ARGFX: variants seen among roughly 807,000 people sequenced by gnomAD.
ARGFX encodes the protein arginine-fifty homeobox.
Under a neutral mutation model 8.0 loss-of-function variants are expected in ARGFX, and 10 were observed. That is an observed-to-expected ratio of 1.25 (90% CI 0.77 to 2.12). The LOEUF (loss-of-function observed/expected upper bound fraction) is 2.12, where lower values mean the gene tolerates loss of function less well. ARGFX is among the 30% of genes most tolerant of loss of function. The probability of loss-of-function intolerance (pLI) is 0.00; values close to 1 mark genes in which losing one functional copy is unlikely to be tolerated. For missense variants in ARGFX, 282 were observed against 324.3 expected (o/e 0.87, Z 1.00); for synonymous variants, 116 against 117.8 (o/e 0.98, Z 0.10).
At position 121,584,958 on chromosome 3, in the gene ARGFX, C is replaced by G. The variant is rs1454551227; in HGVS notation, c.262C>G (p.Gln88Glu). 2.5e-6 allele frequency: 4 copies of G among 1,613,944 alleles called. No homozygotes were observed. The change falls in exon 4 of 5, where the codon CAA becomes GAA. Residue 88 changes from glutamine to glutamate, a missense_variant. Transcript: ENST00000334384. ...RHKERTSFTH[Q>E]QYEELEALFS... ...TAAAGAACGTACTTCTTTCACCCAC[C>G]AACAGTATGAGGAGCTAGAAGCTCT...
At chr3:121,574,791 T>C (rs2048727179) in intron 2 of ARGFX, among the ~76,000 whole-genome samples, 1 of 152,150 alleles carries the variant, frequency 6.6e-6, no homozygotes, top group Non-Finnish European at 1.5e-5. Context: ...ACACACCAAA[T>C]AGAATTGTTA....
rs1207541559 is a variant in ARGFX, at chr3:121,589,970, A to G, written c.*3370A>G. Among the ~76,000 whole-genome samples, 2 of 152,158 alleles carry G rather than the reference A, an allele frequency of 1.3e-5. No individual in the cohort carries two copies. Among genetic ancestry groups the G allele is most frequent in the African/African-American group, 4.8e-5 (2 of 41,448 alleles). ...AGAATAGAAAAGCAATACAGAAAAAAAATTATGAAATCAAAAGCTGGTTCT... is the reference window on the plus strand; with the variant it reads ...AGAATAGAAAAGCAATACAGAAAAAGAATTATGAAATCAAAAGCTGGTTCT... On this transcript the variant is annotated 3_prime_UTR_variant, in exon 5 of 5. Transcript: ENST00000334384.
At chr3:121,578,964 A>T (rs1336801923) in intron 3 of ARGFX, among the ~76,000 whole-genome samples, 1 of 152,036 alleles carries the variant, frequency 6.6e-6, no homozygotes, top group Non-Finnish European at 1.5e-5. Context: ...GGCGTGAGCC[A>T]CCGTGCCCGG....
chr3:121,568,133 A>C (rs1448384229), intron 1 of ARGFX, among the ~76,000 whole-genome samples, 120 bp downstream of exon 1: 4 of 152,178 alleles, frequency 2.6e-5, no homozygotes, highest in Non-Finnish European at 1.5e-5. Context: ...TTCACATTAG[A>C]GGGACATGAT....
At chr3:121,576,340 T>C (rs1178861954) in intron 2 of ARGFX, among the ~76,000 whole-genome samples, 1 of 152,152 alleles carries the variant, frequency 6.6e-6, no homozygotes, top group Non-Finnish European at 1.5e-5. Flanking sequence ...ACTCAATTTA[T>C]TTATTTATTT....
intron 2 of ARGFX, 52 bp from the exon 3 acceptor site, chr3:121,576,719 CTTTCTTTCTTTCT>C (rs2048739624): frequency 4.1e-6 from 1 of 243,664 alleles, no homozygotes; most frequent in Non-Finnish European, 8.4e-6. Flanking sequence ...TTCTTTCTTT[CTTTCTTTCTTTCT>C]TTCTTTCTTT....
chr3:121,571,943 C>T (rs949666074), intron 2 of ARGFX, among the ~76,000 whole-genome samples: 41 of 151,654 alleles, frequency 2.7e-4, no homozygotes, highest in Non-Finnish European at 4.6e-4. Flanking sequence ...ATTCTCCTGC[C>T]TCAGCCTCCC....
At chr3:121,585,561 A>G (rs1322264194) in intron 4 of ARGFX, among the ~76,000 whole-genome samples, 1 of 151,878 alleles carries the variant, frequency 6.6e-6, no homozygotes, top group African/African-American at 2.4e-5. Context: ...GCTGGTCTCA[A>G]ACTCCTGAGC....
Position 121,577,215 on chromosome 3 carries a change from A to C in ARGFX, c.220+315A>C, listed in dbSNP as rs1372659370. On this transcript the variant is annotated intron_variant, in intron 3 of 4. Transcript: ENST00000334384. ...TATGTGTGTATGTATATATATATATATCTACATGTACATATATATATATAT... is the reference window on the plus strand; with the variant it reads ...TATGTGTGTATGTATATATATATATCTCTACATGTACATATATATATATAT... 4.1e-5 allele frequency among the ~76,000 whole-genome samples: 5 copies of C among 121,150 alleles called. No individual in the cohort carries two copies. The South Asian group carries it at 8.8e-4, about 21-fold the overall frequency. 79.5% of individuals were successfully genotyped at this position (121,150 alleles called of 152,430 possible).
intron 1 of ARGFX, among the ~76,000 whole-genome samples, chr3:121,568,443 A>G (rs2048686564): frequency 6.6e-6 from 1 of 152,240 alleles, no homozygotes; most frequent in South Asian, 2.1e-4. Context: ...GCTAGTGGCA[A>G]TTCTGCCTTA....
intron 2 of ARGFX, among the ~76,000 whole-genome samples, chr3:121,575,181 G>A (rs559512888): frequency 1.3e-4 from 20 of 152,210 alleles, no homozygotes; most frequent in African/African-American, 4.3e-4. Flanking sequence ...TTAGCTGAGC[G>A]TGGTGGCGTG....
intron 2 of ARGFX, among the ~76,000 whole-genome samples, chr3:121,571,658 G>A (rs2048708782): frequency 6.6e-6 from 1 of 151,380 alleles, no homozygotes; most frequent in East Asian, 1.9e-4. Flanking sequence ...CCACCTCCCG[G>A]GTTCAAGTGA....
In ARGFX at chr3:121,589,266, A is replaced by G. The variant is rs188788703; in HGVS notation, c.*2666A>G. On this transcript the variant is annotated 3_prime_UTR_variant, in exon 5 of 5. Transcript: ENST00000334384. The stretch of plus-strand genomic sequence containing the variant: ...CACAACAAACCAAAACATGGGATGA[A>G]GCTAAATCAATGCTTAGAAGGAAAT... Among the ~76,000 whole-genome samples, 20 of 152,362 alleles carry G rather than the reference A, an allele frequency of 1.3e-4. No individual in the cohort carries two copies. In the East Asian group the frequency reaches 3.5e-3, roughly 26 times the overall value.
At chr3:121,578,033 G>A (rs186967148) in intron 3 of ARGFX, among the ~76,000 whole-genome samples, 29 of 151,550 alleles carry the variant, frequency 1.9e-4, no homozygotes, top group Admixed American at 1.6e-3. Context: ...CGATCCGCTC[G>A]CCTTGGCCTC....
chr3:121,579,940 C>CTTT (rs1204013765), intron 3 of ARGFX, among the ~76,000 whole-genome samples: 5 of 43,252 alleles, frequency 1.2e-4, no homozygotes, highest in African/African-American at 4.4e-4. Context: ...CTTTTCTTTT[C>CTTT]TTTTCTTTTT....
At chr3:121,580,404 A>G (rs1470517051) in intron 3 of ARGFX, among the ~76,000 whole-genome samples, 3 of 151,926 alleles carry the variant, frequency 2.0e-5, no homozygotes, top group Non-Finnish European at 4.4e-5. Context: ...TAAAATAAAT[A>G]AACAAAATAA....
Position 121,576,893 on chromosome 3 carries a change from G to A in ARGFX, c.213G>A (p.Ala71=), listed in dbSNP as rs540497223. ...CCACCTCAGCCTCCCGAGTAGCTGCGACTACAGGTGCGTGCCACTACACCC... is the reference window on the plus strand; with the variant it reads ...CCACCTCAGCCTCCCGAGTAGCTGCAACTACAGGTGCGTGCCACTACACCC... ...DPPTSASRVA[A]TTAIRRRHKE... Residue 71 remains alanine, a synonymous_variant, in exon 3 of 5, where the codon GCG becomes GCA. Coordinates refer to ENST00000334384, the MANE Select transcript of ARGFX (RefSeq NM_001012659.2). 7.0e-4 allele frequency: 252 copies of A among 360,392 alleles called. 5 individuals carry two copies. The highest frequency in any genetic ancestry group is 5.0e-3 in the South Asian group (242 of 48,146). The allele number at this position is 360,392 out of a possible 1,614,324, so 22.3% of individuals were successfully genotyped here.
At chr3:121,574,547 T>C (rs2048725583) in intron 2 of ARGFX, among the ~76,000 whole-genome samples, 1 of 152,322 alleles carries the variant, frequency 6.6e-6, no homozygotes, top group African/African-American at 2.4e-5. Context: ...CAGTGCACAA[T>C]AGGATTCATG....
intron 3 of ARGFX, among the ~76,000 whole-genome samples, chr3:121,581,753 A>G (rs1293557808): frequency 1.3e-5 from 2 of 152,058 alleles, no homozygotes; most frequent in Non-Finnish European, 2.9e-5. Context: ...CACACACAAA[A>G]ATTAGCCAGG....
Sources: gnomAD v4.1 joint callset for allele counts (sites outside exome capture counted in the v4.1 genomes callset) on GRCh38, gnomAD v4.1.1 for gene constraint, MANE v1.5 for transcripts, NCBI Gene and HGNC (gene_info 2026-07-23, HGNC 2026-07-21) for gene names.